Variants in TENT2 observed in about 807,000 individuals in gnomAD.
TENT2 encodes the protein poly(A) RNA polymerase GLD2.
Under a neutral mutation model 72.2 loss-of-function variants are expected in TENT2, and 44 were observed. The ratio of observed to expected loss-of-function variants is 0.61; its 90% CI spans 0.48 to 0.78. TENT2 has a LOEUF of 0.78. TENT2 is among the 30% of genes least tolerant of loss of function. The pLI is 0.00. For missense variants in TENT2, 541 were observed against 569.6 expected (o/e 0.95, Z 0.51); for synonymous variants, 212 against 192.5 (o/e 1.10, Z -0.84).
intron 11 of TENT2, among the ~76,000 whole-genome samples, chr5:79,666,562 T>G (rs970856977): frequency 6.6e-6 from 1 of 151,918 alleles, no homozygotes; most frequent in East Asian, 1.9e-4. Flanking sequence ...CAGCTAATCT[T>G]TCTATTTTTT....
chr5:79,666,816 T>G (rs1035937405), intron 11 of TENT2, among the ~76,000 whole-genome samples: 1 of 152,138 alleles, frequency 6.6e-6, no homozygotes, highest in Non-Finnish European at 1.5e-5. Context: ...GATTGATCCT[T>G]CTGCCTTGGC....
intron 8 of TENT2, among the ~76,000 whole-genome samples, chr5:79,645,417 T>C (rs1341931520): frequency 6.6e-6 from 1 of 151,840 alleles, no homozygotes; most frequent in Non-Finnish European, 1.5e-5. Flanking sequence ...TGTGAGACTA[T>C]CTAATTTAAA....
At chr5:79,642,128 T>G (rs1784946644) in intron 6 of TENT2, among the ~76,000 whole-genome samples, 1 of 152,110 alleles carries the variant, frequency 6.6e-6, no homozygotes, top group African/African-American at 2.4e-5. Context: ...TATGCCTTAT[T>G]ATGTTTTACA....
chr5:79,676,061 C>CT (rs1404009646), intron 12 of TENT2, among the ~76,000 whole-genome samples: 1 of 151,794 alleles, frequency 6.6e-6, no homozygotes, highest in African/African-American at 2.4e-5. Flanking sequence ...ACCAAGTTTT[C>CT]TTTCTGTTTG....
At chr5:79,646,884 T>G (rs972694465) in intron 8 of TENT2, among the ~76,000 whole-genome samples, 1 of 152,000 alleles carries the variant, frequency 6.6e-6, no homozygotes, top group East Asian at 1.9e-4. Context: ...TCCTCCCATC[T>G]CAGCCTACTG....
chr5:79,660,830 A>G (rs928661434), intron 11 of TENT2, among the ~76,000 whole-genome samples: 1 of 152,150 alleles, frequency 6.6e-6, no homozygotes, highest in African/African-American at 2.4e-5. Flanking sequence ...AGAAGAAGAC[A>G]TTGTTATATG....
intron 4 of TENT2, among the ~76,000 whole-genome samples, chr5:79,626,742 A>G (rs1028101994): frequency 5.3e-5 from 8 of 150,788 alleles, no homozygotes; most frequent in Non-Finnish European, 8.8e-5. Context: ...GATTACAGGT[A>G]TGAGCCACTG....
chr5:79,678,472 T>C (rs1819062175), intron 12 of TENT2, among the ~76,000 whole-genome samples: 1 of 152,062 alleles, frequency 6.6e-6, no homozygotes, highest in African/African-American at 2.4e-5. Flanking sequence ...TTTTCTCTCA[T>C]ATACAAGCTG....
In TENT2 at chr5:79,687,497, T is replaced by C. The variant is rs1396785571; in HGVS notation, c.*2224T>C. ...TTGCATATATCCTACACACATTCTCTTGATACTTTAAATCATCTCTAAATT... is the reference window on the plus strand; with the variant it reads ...TTGCATATATCCTACACACATTCTCCTGATACTTTAAATCATCTCTAAATT... On this transcript the variant is annotated 3_prime_UTR_variant, in exon 15 of 15. Transcript: ENST00000453514. Among the ~76,000 whole-genome samples the C allele has an allele frequency of 6.6e-6, 1 of 152,208 alleles. No homozygotes were observed. Among genetic ancestry groups the C allele is most frequent in the Non-Finnish European group, 1.5e-5 (1 of 68,026 alleles).
chr5:79,646,414 A>G (rs1204043158), intron 8 of TENT2, among the ~76,000 whole-genome samples: 4 of 152,142 alleles, frequency 2.6e-5, no homozygotes, highest in African/African-American at 4.8e-5. Flanking sequence ...TGCTTACCCT[A>G]GGAGCAATGG....
At chr5:79,619,466 A>C in intron 1 of TENT2, 146 bp from the exon 2 acceptor site, 1 of 473,416 alleles carries the variant, frequency 2.1e-6, no homozygotes. Context: ...TGTTACCTAC[A>C]GTGGCACTTA....
At chr5:79,630,821 T>G (rs1475840121) in intron 4 of TENT2, among the ~76,000 whole-genome samples, 2 of 151,262 alleles carry the variant, frequency 1.3e-5, no homozygotes, top group South Asian at 2.1e-4. Flanking sequence ...ATTCAGGTTT[T>G]TTTTTTTTTT....
intron 12 of TENT2, among the ~76,000 whole-genome samples, chr5:79,678,749 A>G (rs751455993): frequency 6.6e-6 from 1 of 152,204 alleles, no homozygotes; most frequent in Non-Finnish European, 1.5e-5. Context: ...CTCCCAAATC[A>G]TACACATAAA....
At chr5:79,634,343 A>G (rs534118838) in intron 4 of TENT2, among the ~76,000 whole-genome samples, 30 of 151,868 alleles carry the variant, frequency 2.0e-4, no homozygotes, top group African/African-American at 7.2e-4. Context: ...TTATTTATTT[A>G]TTTTATTTTT....
chr5:79,687,850 T>A lies in TENT2; in HGVS notation c.*2577T>A, dbSNP rs1458603626. Among the ~76,000 whole-genome samples, 1 of 152,232 alleles carries A rather than the reference T, an allele frequency of 6.6e-6. No homozygotes were observed. Among genetic ancestry groups the A allele is most frequent in the African/African-American group, 2.4e-5 (1 of 41,458 alleles). ...ATTAATGTTTGTAAGAAATTTTTAA[T>A]TAAATGATGGAAGGAACATAGAATG... On this transcript the variant is annotated 3_prime_UTR_variant, in exon 15 of 15. Coordinates refer to ENST00000453514, the MANE Select transcript of TENT2 (RefSeq NM_001114394.3).
Position 79,613,054 on chromosome 5 carries a change from C to A in TENT2, c.-59C>A, listed in dbSNP as rs1004015574. ...GTCTTGGGACCCTTGCATGGTGTTT[C>A]AAAGGGTGGTGAAGAACTAAGGTAC... On this transcript the variant is annotated 5_prime_UTR_variant, in exon 1 of 15. Coordinates refer to ENST00000453514, the MANE Select transcript of TENT2 (RefSeq NM_001114394.3). 2 of 152,092 alleles carry A rather than the reference C, an allele frequency of 1.3e-5. No individual in the cohort carries two copies. Among genetic ancestry groups the A allele is most frequent in the Non-Finnish European group, 2.9e-5 (2 of 68,012 alleles). The allele number at this position is 152,092 out of a possible 1,614,324, so 9.4% of individuals were successfully genotyped here. A position where few individuals can be genotyped will look rare whatever the true frequency, so the allele number is the denominator to read the frequency against.
rs777289875 is a variant in TENT2, at chr5:79,620,022, C to T, written c.166C>T (p.Leu56=). The change falls in exon 3 of 15, where the codon CTG becomes TTG. Residue 56 remains leucine, a synonymous_variant. Coordinates refer to ENST00000453514, the MANE Select transcript of TENT2 (RefSeq NM_001114394.3). ...GTCTAGAGCTGTGTCATTACAGCAG[C>T]TGACATATGGAAATGTCAGTCCAAT... The part of the protein sequence containing the change: ...DLSRAVSLQQ[L]TYGNVSPIQT... 1 of 1,611,664 alleles carries T rather than the reference C, an allele frequency of 6.2e-7. No homozygotes were observed. The highest frequency in any genetic ancestry group is 1.1e-5 in the South Asian group (1 of 90,592).
In TENT2 at chr5:79,669,150, C is replaced by A. The variant is rs1810895031; in HGVS notation, c.1208+122C>A. ...ATTTAGTCAGGAGCTGTGTTTGTCA[C>A]TTCCAGTGTTGTAAAGTTGTCCAGA... On this transcript the variant is annotated intron_variant, in intron 12 of 14. Coordinates refer to ENST00000453514, the MANE Select transcript of TENT2 (RefSeq NM_001114394.3). The A allele has an allele frequency of 6.5e-6, 8 of 1,222,844 alleles. No homozygotes were observed. The South Asian group carries it at 1.5e-4, about 23-fold the overall frequency. The allele number at this position is 1,222,844 out of a possible 1,614,324, so 75.7% of individuals were successfully genotyped here.
intron 3 of TENT2, among the ~76,000 whole-genome samples, chr5:79,621,748 ACT>A (rs1765012455): frequency 7.1e-6 from 1 of 140,348 alleles, no homozygotes; most frequent in Non-Finnish European, 1.5e-5. Context: ...ACAGAGCGAG[ACT>A]CTATCTCAAA....
Sources: allele counts gnomAD v4.1 joint callset (sites outside exome capture counted in the v4.1 genomes callset), GRCh38; gene constraint gnomAD v4.1.1; transcripts MANE v1.5; gene names NCBI Gene and HGNC (gene_info 2026-07-23, HGNC 2026-07-21).